Variants in ADAMTSL1 observed in about 807,000 individuals in gnomAD.
The protein encoded by ADAMTSL1 is ADAMTS-like protein 1.
Under a neutral mutation model 201.8 loss-of-function variants are expected in ADAMTSL1, and 126 were observed. That is an observed-to-expected ratio of 0.62 (90% CI 0.54 to 0.72). The LOEUF is 0.72. ADAMTSL1 is among the 30% of genes least tolerant of loss of function. ADAMTSL1 has a pLI of 0.00. For missense variants in ADAMTSL1, 2,679 were observed against 2,277.8 expected (o/e 1.18, Z -3.59); for synonymous variants, 1,121 against 903.4 (o/e 1.24, Z -4.32).
chr9:18,706,225 G>A (rs1234266686), intron 13 of ADAMTSL1, among the ~76,000 whole-genome samples: 2 of 152,270 alleles, frequency 1.3e-5, no homozygotes, highest in Middle Eastern at 3.4e-3. Context: ...ACATTGCTAC[G>A]GCATTTGTAA....
chr9:18,560,159 T>C (rs1433679763), intron 3 of ADAMTSL1, among the ~76,000 whole-genome samples: 6 of 152,182 alleles, frequency 3.9e-5, no homozygotes, highest in Non-Finnish European at 2.9e-5. Context: ...CATAAATAAC[T>C]CTTATTATTT....
chr9:18,245,943 A>C (rs950050955), intron 2 of ADAMTSL1, among the ~76,000 whole-genome samples: 8 of 152,136 alleles, frequency 5.3e-5, no homozygotes, highest in African/African-American at 1.9e-4. Context: ...TGAAATCTTC[A>C]AGTCTTTTTA....
At chr9:18,722,121 C>T (rs1564182021) in intron 15 of ADAMTSL1, among the ~76,000 whole-genome samples, 1 of 149,746 alleles carries the variant, frequency 6.7e-6, no homozygotes, top group Non-Finnish European at 1.5e-5. Flanking sequence ...CATGCAGATT[C>T]ATCGTAGCAT....
At chr9:18,317,733 C>T (rs7023546) in intron 2 of ADAMTSL1, among the ~76,000 whole-genome samples, 51,756 of 152,096 alleles carry the variant, frequency 0.34, 9,325 homozygotes, top group Admixed American at 0.51. Flanking sequence ...ACCTCTATCC[C>T]TGGCCTTGGT....
intron 1 of ADAMTSL1, among the ~76,000 whole-genome samples, chr9:18,144,993 T>C (rs1265775804): frequency 1.3e-5 from 2 of 152,140 alleles, no homozygotes; most frequent in Non-Finnish European, 2.9e-5. Flanking sequence ...ATAATAGAAG[T>C]GTCCAAACAG....
chr9:18,064,034 CT>C (rs1301353534), intron 1 of ADAMTSL1, among the ~76,000 whole-genome samples: 1 of 152,146 alleles, frequency 6.6e-6, no homozygotes, highest in Admixed American at 6.6e-5. Context: ...AATCCCCTCT[CT>C]TTTTTCAAAG....
intron 1 of ADAMTSL1, among the ~76,000 whole-genome samples, chr9:18,031,272 G>A (rs1820943465): frequency 6.6e-6 from 1 of 152,108 alleles, no homozygotes; most frequent in Admixed American, 6.5e-5. Context: ...TGAGGAGGCT[G>A]GTGTTTATTT....
chr9:18,795,259 C>T (rs935395270), intron 19 of ADAMTSL1, 138 bp from the exon 20 acceptor site: 1 of 1,103,500 alleles, frequency 9.1e-7, no homozygotes. Flanking sequence ...TCTTGATTGT[C>T]CTTGTAGCTG....
At chr9:18,430,675 A>G (rs1411963892) in intron 2 of ADAMTSL1, among the ~76,000 whole-genome samples, 1 of 152,200 alleles carries the variant, frequency 6.6e-6, no homozygotes, top group Non-Finnish European at 1.5e-5. Context: ...TCTATACCAG[A>G]GACACTAAGC....
At position 18,696,153 on chromosome 9, in the gene ADAMTSL1, A is replaced by T. The variant is rs142925358; in HGVS notation, c.1575-10594A>T. ...CCCTCCTCCAATATTGGGGATTACA[A>T]TTCAACAGGAGATTTGGACAGGGAC... On this transcript the variant is annotated intron_variant, in intron 13 of 28. Transcript: ENST00000380548. 2.0e-3 allele frequency among the ~76,000 whole-genome samples: 301 copies of T among 152,340 alleles called. 3 individuals are homozygous for T. Among genetic ancestry groups the T allele is most frequent in the Middle Eastern group, 6.8e-3 (2 of 294 alleles).
intron 26 of ADAMTSL1, among the ~76,000 whole-genome samples, chr9:18,900,681 C>CCAAA (rs1230894970): frequency 6.6e-6 from 1 of 150,998 alleles, no homozygotes; most frequent in Non-Finnish European, 1.5e-5. Flanking sequence ...GAACAGAAAA[C>CCAAA]CAAACACCGT....
chr9:18,435,198 G>T (rs1164382833), intron 2 of ADAMTSL1, among the ~76,000 whole-genome samples: 2 of 152,168 alleles, frequency 1.3e-5, no homozygotes, highest in African/African-American at 2.4e-5. Context: ...AGTGCCTATT[G>T]TACAAGGACT....
At chr9:18,821,673 A>T (rs1412447738) in intron 21 of ADAMTSL1, among the ~76,000 whole-genome samples, 1 of 152,040 alleles carries the variant, frequency 6.6e-6, no homozygotes, top group Non-Finnish European at 1.5e-5. Context: ...GTTTTTTAGA[A>T]TAATTGACAA....
chr9:18,722,549 G>A lies in ADAMTSL1; in HGVS notation c.2006+884G>A, dbSNP rs78658894. 8.6e-3 allele frequency among the ~76,000 whole-genome samples: 1,307 copies of A among 152,276 alleles called. 11 individuals are homozygous for A. The highest frequency in any genetic ancestry group is 0.015 in the Non-Finnish European group (1,043 of 68,024). ...GCATTAACAATAGTTTGCTGGTCACGATGATGCACTGCTTGTATTATTTCC... is the reference window on the plus strand; with the variant it reads ...GCATTAACAATAGTTTGCTGGTCACAATGATGCACTGCTTGTATTATTTCC... On this transcript the variant is annotated intron_variant, in intron 15 of 28. Coordinates refer to ENST00000380548, the MANE Select transcript of ADAMTSL1 (RefSeq NM_001040272.6).
intron 3 of ADAMTSL1, among the ~76,000 whole-genome samples, chr9:18,547,725 C>G (rs1480455621): frequency 6.8e-6 from 1 of 148,104 alleles, no homozygotes; most frequent in Non-Finnish European, 1.5e-5. Context: ...GTTTGATAGA[C>G]ATAGATACCA....
At chr9:18,812,568 T>A (rs764364668) in intron 20 of ADAMTSL1, among the ~76,000 whole-genome samples, 2 of 152,248 alleles carry the variant, frequency 1.3e-5, no homozygotes, top group Non-Finnish European at 2.9e-5. Context: ...AATCCTGTTT[T>A]TGCTTTTGTT....
chr9:18,493,198 CAAAACT>C (rs1822351367), intron 1 of ADAMTSL1, among the ~76,000 whole-genome samples: 1 of 152,044 alleles, frequency 6.6e-6, no homozygotes, highest in Non-Finnish European at 1.5e-5. Flanking sequence ...CTCCCGAGTC[CAAAACT>C]CTGACTTTAA....
At chr9:18,114,405 A>G (rs1825162500) in intron 1 of ADAMTSL1, among the ~76,000 whole-genome samples, 1 of 152,152 alleles carries the variant, frequency 6.6e-6, no homozygotes, top group South Asian at 2.1e-4. Context: ...GAAATTTAAA[A>G]TGAGCCAAAC....
At chr9:17,946,294 G>T (rs1025146016) in intron 1 of ADAMTSL1, among the ~76,000 whole-genome samples, 3 of 151,796 alleles carry the variant, frequency 2.0e-5, no homozygotes, top group African/African-American at 7.3e-5. Context: ...CCATCATGCC[G>T]AGCTGACCTT....
Sources: allele counts gnomAD v4.1 joint callset (sites outside exome capture counted in the v4.1 genomes callset), GRCh38; gene constraint gnomAD v4.1.1; transcripts MANE v1.5; gene names NCBI Gene and HGNC (gene_info 2026-07-23, HGNC 2026-07-21).